BIN1: variants seen among roughly 807,000 people sequenced by gnomAD.
BIN1 encodes the protein myc box-dependent-interacting protein 1.
A neutral mutation model predicts 82.0 loss-of-function variants in BIN1; 53 were observed. The observed-to-expected ratio is 0.65, with a 90% confidence interval of 0.52 to 0.81. BIN1 has a LOEUF of 0.81. Among genes scored for constraint, BIN1 ranks in the 40% least tolerant of loss-of-function variants. The probability of loss-of-function intolerance (pLI) is 0.00; values close to 1 mark genes in which losing one functional copy is unlikely to be tolerated. For synonymous variants in BIN1, 302 were observed against 328.0 expected (o/e 0.92, Z 0.86); for missense variants, 642 against 784.4 (o/e 0.82, Z 2.17).
chr2:127,078,129 C>T (rs913915359), intron 1 of BIN1, among the ~76,000 whole-genome samples: 5 of 152,244 alleles, frequency 3.3e-5, no homozygotes, highest in African/African-American at 1.2e-4. Flanking sequence ...AGGACACAGC[C>T]AGGACCCTTC....
rs574981137 is a variant in BIN1 at position 127,051,456 on chromosome 2, C to T, written c.1372-213G>A. Among the ~76,000 whole-genome samples, 59 of 152,238 alleles carry T rather than the reference C, an allele frequency of 3.9e-4. 1 individual carries two copies. Among genetic ancestry groups the T allele is most frequent in the African/African-American group, 1.3e-3 (53 of 41,548 alleles). On this transcript the variant is annotated intron_variant, in intron 15 of 18. Transcript: ENST00000316724. ...GCCGGGGAAGCAGCTGAAGAGTAGG[C>T]GCTGGCAGGCCCAGGGATGTGAGTG...
chr2:127,097,329 C>A (rs1679732217), intron 1 of BIN1, among the ~76,000 whole-genome samples: 1 of 148,166 alleles, frequency 6.7e-6, no homozygotes, highest in African/African-American at 2.4e-5. Flanking sequence ...CCTCCAGGCC[C>A]AGGAGCGTCA....
chr2:127,076,426 A>C (rs1223195942), intron 2 of BIN1, among the ~76,000 whole-genome samples, 200 bp downstream of exon 2: 26 of 150,422 alleles, frequency 1.7e-4, no homozygotes, highest in Non-Finnish European at 1.6e-4. Context: ...AAGAACCTAA[A>C]GCATACATAC....
chr2:127,069,051 G>A lies in BIN1; in HGVS notation c.412-20C>T. ...GCGTGACTGGGGCAGACAGAGGAGG[G>A]CACTAAGCGGGGCCTGGCACCCCTG... is the stretch of plus-strand genomic sequence containing the variant. On this transcript the variant is annotated intron_variant, in intron 5 of 18. Coordinates refer to ENST00000316724, the MANE Select transcript of BIN1 (RefSeq NM_139343.3). 6.2e-7 allele frequency: 1 copy of A among 1,610,516 alleles called. No individual in the cohort carries two copies. The highest frequency in any genetic ancestry group is 8.5e-7 in the Non-Finnish European group (1 of 1,177,264).
chr2:127,059,196 C>G lies in BIN1; in HGVS notation c.858-41G>C, dbSNP rs749396317. ...AGAAAGGGAGCCCAGTGTTGGGGGG[C>G]CAAGGCACAGGAGACGGAGGGGCAA... On this transcript the variant is annotated intron_variant, in intron 10 of 18. Coordinates refer to ENST00000316724, the MANE Select transcript of BIN1 (RefSeq NM_139343.3). The surrounding 1 kb of genome is among the most constrained non-coding windows in gnomAD (Gnocchi z 6.7). 7 of 1,552,668 alleles carry G rather than the reference C, an allele frequency of 4.5e-6. No homozygotes were observed. Among genetic ancestry groups the G allele is most frequent in the Non-Finnish European group, 6.1e-6 (7 of 1,149,724 alleles).
In BIN1 at chr2:127,058,920, G is replaced by C. The variant is rs1684063997; in HGVS notation, c.1002+91C>G. On this transcript the variant is annotated intron_variant, in intron 11 of 18. Transcript: ENST00000316724. ...GTCCATAGCTGCCCAGGCCAGAAAG[G>C]GGACAGAGGAGTGGGAGGATGGAGG... 3.6e-5 allele frequency: 55 copies of C among 1,519,868 alleles called. 1 individual carries two copies. The South Asian group carries it at 6.6e-4, about 18-fold the overall frequency. 94.1% of individuals were successfully genotyped at this position (1,519,868 alleles called of 1,614,324 possible).
rs1684756909 is a variant in BIN1, at chr2:127,063,468, A to G, written c.774+103T>C. On this transcript the variant is annotated intron_variant, in intron 9 of 18. Coordinates refer to ENST00000316724, the MANE Select transcript of BIN1 (RefSeq NM_139343.3). Reference sequence around the variant, plus strand: ...CCCTGTGGTCACCGGTGTGTGCTGAACCTGGCAGGGAAGGAGGAGTTCAGG... The same window carrying G: ...CCCTGTGGTCACCGGTGTGTGCTGAGCCTGGCAGGGAAGGAGGAGTTCAGG... 7.9e-6 allele frequency: 10 copies of G among 1,267,050 alleles called. No homozygotes were observed. The Admixed American group carries it at 1.8e-4, about 22-fold the overall frequency. The allele number at this position is 1,267,050 out of a possible 1,614,324, so 78.5% of individuals were successfully genotyped here.
chr2:127,057,701 C>G lies in BIN1; in HGVS notation c.1003-100G>C. On this transcript the variant is annotated intron_variant, in intron 11 of 18. Coordinates refer to ENST00000316724, the MANE Select transcript of BIN1 (RefSeq NM_139343.3). The surrounding 1 kb of genome is among the most constrained non-coding windows in gnomAD (Gnocchi z 5.0). Reference sequence around the variant, plus strand: ...GACAAAGCCACGGTTAGTCACACCTCAGGCCACAGTCCCACCCAGGCCACT... The same window carrying G: ...GACAAAGCCACGGTTAGTCACACCTGAGGCCACAGTCCCACCCAGGCCACT... The G allele has an allele frequency of 7.2e-7, 1 of 1,385,620 alleles. No individual in the cohort carries two copies. The highest frequency in any genetic ancestry group is 9.5e-7 in the Non-Finnish European group (1 of 1,054,782). 85.8% of individuals were successfully genotyped at this position (1,385,620 alleles called of 1,614,324 possible). A position where few individuals can be genotyped will look rare whatever the true frequency, so the allele number is the denominator to read the frequency against.
intron 7 of BIN1, among the ~76,000 whole-genome samples, chr2:127,066,934 G>A (rs544053851): frequency 3.9e-5 from 6 of 152,090 alleles, no homozygotes; most frequent in African/African-American, 7.2e-5. Context: ...AGCCAGGCAC[G>A]GCAATGCGTG....
intron 1 of BIN1, among the ~76,000 whole-genome samples, chr2:127,087,771 C>A (rs897421025): frequency 2.6e-5 from 4 of 152,192 alleles, no homozygotes; most frequent in African/African-American, 9.7e-5. Flanking sequence ...ACACGGCCCA[C>A]CGCTACCAAG....
At chr2:127,072,384 G>A (rs1006237353) in intron 2 of BIN1, among the ~76,000 whole-genome samples, 2 of 152,220 alleles carry the variant, frequency 1.3e-5, no homozygotes, top group Non-Finnish European at 2.9e-5. Flanking sequence ...TGACAGCAAA[G>A]AAGCGGACAG....
At position 127,076,634 on chromosome 2, in the gene BIN1, TG is replaced by T; in HGVS notation, c.156del (p.Asn52LysfsTer4). On this transcript the variant is annotated frameshift_variant, in exon 2 of 19. Transcript: ENST00000316724. LOFTEE classifies it high-confidence loss of function. ...GGGCCACCCACACTCACCAGCTGCT[TG>T]TTGAAATTCTGGACGCACTGCTCAA... is the stretch of plus-strand genomic sequence containing the variant. ...EQFEQCVQNF[N>X]KQLTEGTRLQ... The T allele has an allele frequency of 6.2e-7, 1 of 1,614,152 alleles. No individual in the cohort carries two copies. Among genetic ancestry groups the T allele is most frequent in the Non-Finnish European group, 8.5e-7 (1 of 1,180,036 alleles).
chr2:127,103,087 G>T (rs943450494), intron 1 of BIN1, among the ~76,000 whole-genome samples: 1 of 152,184 alleles, frequency 6.6e-6, no homozygotes, highest in East Asian at 1.9e-4. Context: ...TGGCCAAGGT[G>T]AGGAGACCAG....
At chr2:127,060,983 A>G (rs1196044039) in intron 10 of BIN1, among the ~76,000 whole-genome samples, 1 of 152,156 alleles carries the variant, frequency 6.6e-6, no homozygotes, top group African/African-American at 2.4e-5. Context: ...CAGAGTGCAC[A>G]AGAGGCCTCT....
intron 18 of BIN1, among the ~76,000 whole-genome samples, chr2:127,050,125 G>T (rs1198847868): frequency 1.3e-5 from 2 of 152,188 alleles, no homozygotes; most frequent in African/African-American, 4.8e-5. Context: ...AGGCAGAGCT[G>T]AGAGCGCCTG....
chr2:127,079,691 T>C (rs184334124), intron 1 of BIN1, among the ~76,000 whole-genome samples: 3 of 152,320 alleles, frequency 2.0e-5, no homozygotes, highest in Admixed American at 2.0e-4. Flanking sequence ...AAGGAACAGC[T>C]TGAGGTCAGG....
chr2:127,068,900 C>T lies in BIN1; in HGVS notation c.519+24G>A. ...CTCTCTCAGCCCCCTGCAGACGCTG[C>T]CCCGACCCGCCTCCAGCCCTTACCT... On this transcript the variant is annotated intron_variant, in intron 6 of 18. Coordinates refer to ENST00000316724, the MANE Select transcript of BIN1 (RefSeq NM_139343.3). The surrounding 1 kb of genome is among the most constrained non-coding windows in gnomAD (Gnocchi z 4.9). 6.2e-7 allele frequency: 1 copy of T among 1,604,366 alleles called. No homozygotes were observed. The highest frequency in any genetic ancestry group is 8.5e-7 in the Non-Finnish European group (1 of 1,171,406).
At chr2:127,076,074 C>T (rs940279982) in intron 2 of BIN1, among the ~76,000 whole-genome samples, 9 of 149,178 alleles carry the variant, frequency 6.0e-5, no homozygotes, top group African/African-American at 2.0e-4. Context: ...CAGCTACTCC[C>T]AGGCCCTCCC....
chr2:127,097,804 T>C (rs1558883272), intron 1 of BIN1, among the ~76,000 whole-genome samples: 1 of 151,660 alleles, frequency 6.6e-6, no homozygotes, highest in Non-Finnish European at 1.5e-5. Flanking sequence ...GGCCCTGGGC[T>C]ACAGCCCAGG....
Sources: allele counts gnomAD v4.1 joint callset (sites outside exome capture counted in the v4.1 genomes callset), GRCh38; gene constraint gnomAD v4.1.1; non-coding constraint Gnocchi (gnomAD v3.1); transcripts MANE v1.5; gene names NCBI Gene and HGNC (gene_info 2026-07-23, HGNC 2026-07-21).